Variants in PAFAH1B1 observed in about 807,000 individuals in gnomAD.
PAFAH1B1 encodes the protein platelet-activating factor acetylhydrolase IB subunit beta.
Under a neutral mutation model 57.5 loss-of-function variants are expected in PAFAH1B1, and 2 were observed. That is an observed-to-expected ratio of 0.03 (90% CI 0.01 to 0.11). PAFAH1B1 has a LOEUF of 0.11. PAFAH1B1 is among the 10% of genes least tolerant of loss of function. The probability of loss-of-function intolerance (pLI) is 1.00; values close to 1 mark genes in which losing one functional copy is unlikely to be tolerated. For missense variants in PAFAH1B1, 257 were observed against 512.0 expected, an observed-to-expected ratio of 0.50 and a Z score of 4.81; for synonymous variants, 152 against 169.6, an observed-to-expected ratio of 0.90 and a Z score of 0.81.
chr17:2,612,037 A>C (rs1017983465), intron 1 of PAFAH1B1, among the ~76,000 whole-genome samples: 6 of 152,116 alleles, frequency 3.9e-5, no homozygotes, highest in Non-Finnish European at 8.8e-5. Context: ...ATTGATAGCT[A>C]TTAGGTTGAA....
chr17:2,670,110 AC>A, intron 5 of PAFAH1B1, 52 bp from the exon 6 acceptor site: 3 of 1,523,820 alleles, frequency 2.0e-6, no homozygotes, highest in Non-Finnish European at 2.7e-6. Flanking sequence ...CAAATGTGAA[AC>A]AAGAAAGGAG....
chr17:2,633,370 G>A (rs1245691118), intron 1 of PAFAH1B1, among the ~76,000 whole-genome samples: 1 of 151,538 alleles, frequency 6.6e-6, no homozygotes, highest in Non-Finnish European at 1.5e-5. Flanking sequence ...GTTTCGCCAT[G>A]TTGGTCAGGC....
intron 2 of PAFAH1B1, chr17:2,641,658 C>T (rs965154523): frequency 6.6e-6 from 1 of 152,122 alleles, no homozygotes; most frequent in Non-Finnish European, 1.5e-5. Flanking sequence ...TCCGGGTTTA[C>T]TGTGTACCTA....
chr17:2,667,912 G>A (rs1432457896), intron 5 of PAFAH1B1, among the ~76,000 whole-genome samples: 5 of 151,818 alleles, frequency 3.3e-5, no homozygotes, highest in African/African-American at 9.7e-5. Flanking sequence ...TAAAATGACC[G>A]TTGTATAAAC....
At chr17:2,604,716 C>T (rs1003990357) in intron 1 of PAFAH1B1, among the ~76,000 whole-genome samples, 2 of 152,012 alleles carry the variant, frequency 1.3e-5, no homozygotes, top group African/African-American at 4.8e-5. Context: ...GAGACTGAGG[C>T]TGGAGAATCA....
chr17:2,629,074 T>C (rs868398175), intron 1 of PAFAH1B1, among the ~76,000 whole-genome samples: 5 of 152,162 alleles, frequency 3.3e-5, no homozygotes, highest in African/African-American at 1.2e-4. Context: ...TGTGTTTTTT[T>C]GTTTGTTTGT....
At chr17:2,644,352 G>A (rs2068738325) in intron 2 of PAFAH1B1, among the ~76,000 whole-genome samples, 1 of 152,074 alleles carries the variant, frequency 6.6e-6, no homozygotes, top group African/African-American at 2.4e-5. Context: ...GACCAGCCTG[G>A]CTAACATGGT....
intron 1 of PAFAH1B1, among the ~76,000 whole-genome samples, chr17:2,625,021 C>CT (rs2068471143): frequency 6.9e-6 from 1 of 145,452 alleles, no homozygotes; most frequent in African/African-American, 2.6e-5. Context: ...TTTATACTTT[C>CT]TATTTTTTTT....
chr17:2,630,762 G>A (rs1373133253), intron 1 of PAFAH1B1, among the ~76,000 whole-genome samples: 2 of 152,082 alleles, frequency 1.3e-5, no homozygotes, highest in African/African-American at 4.8e-5. Context: ...AGGTTTGGTC[G>A]TTTAAGATAA....
At chr17:2,654,279 T>G (rs1486358121) in intron 2 of PAFAH1B1, among the ~76,000 whole-genome samples, 1 of 150,758 alleles carries the variant, frequency 6.6e-6, no homozygotes, top group African/African-American at 2.4e-5. Context: ...AACCCCTGTC[T>G]CCCAGGTTCA....
chr17:2,660,972 T>A (rs2069006091), intron 2 of PAFAH1B1, among the ~76,000 whole-genome samples: 1 of 152,216 alleles, frequency 6.6e-6, no homozygotes, highest in African/African-American at 2.4e-5. Context: ...TATCTCATTG[T>A]GGTTTTGATT....
intron 1 of PAFAH1B1, among the ~76,000 whole-genome samples, chr17:2,611,827 C>T (rs2068270985): frequency 1.3e-5 from 2 of 152,142 alleles, no homozygotes; most frequent in Non-Finnish European, 2.9e-5. Context: ...GTTGAGGCAA[C>T]ATCAGGGCAG....
At chr17:2,669,535 AG>A (rs2069152242) in intron 5 of PAFAH1B1, among the ~76,000 whole-genome samples, 1 of 152,194 alleles carries the variant, frequency 6.6e-6, no homozygotes, top group African/African-American at 2.4e-5. Flanking sequence ...CTGGGATTAC[AG>A]GCGTGAGCCA....
At chr17:2,671,363 C>T (rs1036255861) in intron 6 of PAFAH1B1, among the ~76,000 whole-genome samples, 2 of 151,912 alleles carry the variant, frequency 1.3e-5, no homozygotes, top group African/African-American at 2.4e-5. Context: ...CACGCGCCAC[C>T]ACGCCCGTCT....
chr17:2,660,308 G>A (rs1470745094), intron 2 of PAFAH1B1, among the ~76,000 whole-genome samples: 2 of 151,436 alleles, frequency 1.3e-5, no homozygotes, highest in Admixed American at 6.6e-5. Flanking sequence ...AGGTAAATGT[G>A]TGCCATGGTG....
At chr17:2,659,271 G>C (rs1048551686) in intron 2 of PAFAH1B1, among the ~76,000 whole-genome samples, 1 of 151,944 alleles carries the variant, frequency 6.6e-6, no homozygotes, top group African/African-American at 2.4e-5. Context: ...AGGTACAGTG[G>C]CCCACGCCTG....
At chr17:2,678,240 A>G (rs2069302953) in intron 9 of PAFAH1B1, among the ~76,000 whole-genome samples, 2 of 152,000 alleles carry the variant, frequency 1.3e-5, no homozygotes, top group Non-Finnish European at 2.9e-5. Flanking sequence ...CATCGCTGCT[A>G]AAAACACAAA....
intron 7 of PAFAH1B1, 176 bp from the exon 8 acceptor site, chr17:2,673,879 AATGAT>A (rs1049837199): frequency 1.7e-5 from 10 of 592,910 alleles, no homozygotes; most frequent in Non-Finnish European, 3.1e-5. Flanking sequence ...TTAGCTCCTT[AATGAT>A]ATGTCTGTTA....
intron 1 of PAFAH1B1, among the ~76,000 whole-genome samples, chr17:2,611,376 G>A (rs1298969494): frequency 6.6e-6 from 1 of 151,832 alleles, no homozygotes; most frequent in Non-Finnish European, 1.5e-5. Flanking sequence ...GCTGAGGCAG[G>A]AGAATCGCTT....
Sources: allele counts gnomAD v4.1 joint callset (sites outside exome capture counted in the v4.1 genomes callset), GRCh38; gene constraint gnomAD v4.1.1; transcripts MANE v1.5; gene names NCBI Gene and HGNC (gene_info 2026-07-23, HGNC 2026-07-21).